The following RRAS2 variants were observed in gnomAD, a reference collection of about 807,000 sequenced individuals.
RRAS2 encodes the protein RAS related 2, also known as ras-related protein R-Ras2.
A neutral mutation model predicts 27.6 loss-of-function variants in RRAS2; 7 were observed. The ratio of observed to expected loss-of-function variants is 0.25; its 90% CI spans 0.14 to 0.48. The LOEUF (loss-of-function observed/expected upper bound fraction) is 0.48. Among genes scored for constraint, RRAS2 ranks in the 20% least tolerant of loss-of-function variants. The pLI, the probability that RRAS2 is intolerant of heterozygous loss-of-function variation, is 0.99. For missense variants in RRAS2, 178 were observed against 256.2 expected, an observed-to-expected ratio of 0.69 and a Z score of 2.08; for synonymous variants, 86 against 90.9, an observed-to-expected ratio of 0.95 and a Z score of 0.31.
intron 1 of RRAS2, among the ~76,000 whole-genome samples, chr11:14,334,561 T>A (rs1047946823): frequency 2.7e-5 from 4 of 149,588 alleles, no homozygotes; most frequent in Non-Finnish European, 4.4e-5. Flanking sequence ...CACACACACA[T>A]AATGGATTAG....
intron 4 of RRAS2, among the ~76,000 whole-genome samples, chr11:14,283,025 A>C (rs1181299590): frequency 1.3e-5 from 2 of 152,196 alleles, no homozygotes; most frequent in African/African-American, 4.8e-5. Context: ...CTAGTTTTTC[A>C]ACATTAAGTG....
rs368974067 is a variant in RRAS2, at chr11:14,340,084, C to A, written c.108+18679G>T. Among the ~76,000 whole-genome samples the A allele has an allele frequency of 1.4e-4, 19 of 137,660 alleles. No individual in the cohort carries two copies. In the East Asian group the frequency reaches 4.5e-3, roughly 33 times the overall value. The allele number at this position is 137,660 out of a possible 152,430, so 90.3% of individuals were successfully genotyped here. A position where few individuals can be genotyped will look rare whatever the true frequency, so the allele number is the denominator to read the frequency against. On this transcript the variant is annotated intron_variant, in intron 1 of 5. Transcript: ENST00000256196. ...GGGGGAGGTTGCAGTGAGCCGAGGT[C>A]GCGCCACTACACTCCAGCCTGGGAG...
At position 14,333,925 on chromosome 11, in the gene RRAS2, C is replaced by A. The variant is rs116117678; in HGVS notation, c.108+24838G>T. Among the ~76,000 whole-genome samples, 234 of 152,350 alleles carry A rather than the reference C, an allele frequency of 1.5e-3. 3 individuals carry two copies. Among genetic ancestry groups the A allele is most frequent in the African/African-American group, 5.3e-3 (222 of 41,588 alleles). On this transcript the variant is annotated intron_variant, in intron 1 of 5. Coordinates refer to ENST00000256196, the MANE Select transcript of RRAS2 (RefSeq NM_012250.6). ...AATTACAGGCGTCAGCCATCTCACA[C>A]AGCCCCGCCCTTACTTTTAATGAGC...
chr11:14,303,111 G>C (rs1046207860), intron 1 of RRAS2, among the ~76,000 whole-genome samples: 1 of 152,158 alleles, frequency 6.6e-6, no homozygotes. Context: ...ACTCCAACCA[G>C]AAAACAATCT....
intron 2 of RRAS2, 72 bp downstream of exon 2, chr11:14,295,696 T>A (rs1430723200): frequency 1.8e-6 from 2 of 1,138,972 alleles, no homozygotes; most frequent in Admixed American, 4.4e-5. Context: ...TTATTTAACA[T>A]AGCAAAACAT....
At chr11:14,299,155 T>C (rs887382422) in intron 1 of RRAS2, among the ~76,000 whole-genome samples, 2 of 152,220 alleles carry the variant, frequency 1.3e-5, no homozygotes, top group Admixed American at 6.5e-5. Context: ...ACCATAATAA[T>C]AACTATTGTT....
intron 1 of RRAS2, among the ~76,000 whole-genome samples, chr11:14,328,382 A>C (rs1848412181): frequency 6.6e-6 from 1 of 151,670 alleles, no homozygotes; most frequent in African/African-American, 2.4e-5. Flanking sequence ...AAAAAAAAAA[A>C]AAAAAGAGTG....
At chr11:14,339,734 A>G (rs1025451866) in intron 1 of RRAS2, among the ~76,000 whole-genome samples, 2 of 152,232 alleles carry the variant, frequency 1.3e-5, no homozygotes, top group Non-Finnish European at 1.5e-5. Flanking sequence ...AAAAAGTTAA[A>G]TAATTTTGCT....
intron 1 of RRAS2, among the ~76,000 whole-genome samples, chr11:14,354,672 CTTTTTT>C (rs35556947): frequency 1.1e-3 from 117 of 110,418 alleles, no homozygotes; most frequent in Middle Eastern, 5.1e-3. Flanking sequence ...GTAACAATTT[CTTTTTT>C]TTTTTTTTTT....
Position 14,287,871 on chromosome 11 carries a change from CAAAAAAAAAAA to C in RRAS2, c.409-6162_409-6152del, listed in dbSNP as rs34954723. Reference sequence around the variant, plus strand: ...TGGTTGACAGAGCAAGACTCTGTCTCAAAAAAAAAAAAAAAAAAAGAAGAAGAAAAAAACGA... The same window carrying C: ...TGGTTGACAGAGCAAGACTCTGTCTCAAAAAAAAGAAGAAGAAAAAAACGA... On this transcript the variant is annotated intron_variant, in intron 4 of 5. Coordinates refer to ENST00000256196, the MANE Select transcript of RRAS2 (RefSeq NM_012250.6). Among the ~76,000 whole-genome samples the C allele has an allele frequency of 2.5e-5, 3 of 119,032 alleles. No homozygotes were observed. The South Asian group carries it at 8.0e-4, about 32-fold the overall frequency. The allele number at this position is 119,032 out of a possible 152,430, so 78.1% of individuals were successfully genotyped here.
chr11:14,302,079 C>T (rs1039424885), intron 1 of RRAS2, among the ~76,000 whole-genome samples: 137 of 68,190 alleles, frequency 2.0e-3, no homozygotes, highest in African/African-American at 5.2e-3. Flanking sequence ...CACATACACA[C>T]ACACACACAC....
chr11:14,353,040 C>G (rs1394806863), intron 1 of RRAS2, among the ~76,000 whole-genome samples: 5 of 152,002 alleles, frequency 3.3e-5, no homozygotes, highest in African/African-American at 7.2e-5. Flanking sequence ...TTCAAGTGAT[C>G]CGCCCGCCTC....
At chr11:14,319,451 C>T (rs183267500) in intron 1 of RRAS2, among the ~76,000 whole-genome samples, 1,584 of 150,196 alleles carry the variant, frequency 0.011, 26 homozygotes, top group African/African-American at 0.037. Context: ...CTCCACTTCC[C>T]GGGTTCACGC....
At chr11:14,289,858 A>G (rs374316594) in intron 4 of RRAS2, among the ~76,000 whole-genome samples, 133 of 152,300 alleles carry the variant, frequency 8.7e-4, no homozygotes, top group Middle Eastern at 3.4e-3. Context: ...CTGACCCACA[A>G]ATTCAAAGAA....
intron 1 of RRAS2, among the ~76,000 whole-genome samples, chr11:14,321,993 G>C (rs2133997709): frequency 6.6e-6 from 1 of 152,082 alleles, no homozygotes; most frequent in South Asian, 2.1e-4. Context: ...TAAATCTATT[G>C]ACTATATACT....
chr11:14,363,662 C>G (rs567058123), upstream of RRAS2, among the ~76,000 whole-genome samples: 7 of 151,766 alleles, frequency 4.6e-5, no homozygotes, highest in South Asian at 2.1e-4. Flanking sequence ...TCCTAGCTAC[C>G]TGGGAGGCTG....
chr11:14,318,492 G>A (rs1414366802), intron 1 of RRAS2, among the ~76,000 whole-genome samples: 1 of 151,904 alleles, frequency 6.6e-6, no homozygotes, highest in African/African-American at 2.4e-5. Flanking sequence ...GACAGAGAGA[G>A]AATCTGTCTC....
upstream of RRAS2, among the ~76,000 whole-genome samples, chr11:14,362,466 C>G (rs563021840): frequency 6.6e-6 from 1 of 152,148 alleles, no homozygotes; most frequent in African/African-American, 2.4e-5. Context: ...CAAAAGCATA[C>G]AGCAGAAAGA....
At chr11:14,325,892 T>A (rs1437050520) in intron 1 of RRAS2, among the ~76,000 whole-genome samples, 6 of 152,176 alleles carry the variant, frequency 3.9e-5, no homozygotes, top group Non-Finnish European at 5.9e-5. Context: ...AAGTATTACA[T>A]AAAATACTGT....
Sources: allele counts gnomAD v4.1 joint callset (sites outside exome capture counted in the v4.1 genomes callset), GRCh38; gene constraint gnomAD v4.1.1; transcripts MANE v1.5; gene names NCBI Gene and HGNC (gene_info 2026-07-23, HGNC 2026-07-21).